Variants in TMEM117 observed in about 807,000 individuals in gnomAD.
TMEM117 encodes transmembrane protein 117.
Under a neutral mutation model 52.4 loss-of-function variants are expected in TMEM117, and 27 were observed. That is an observed-to-expected ratio of 0.51 (90% CI 0.38 to 0.71). The LOEUF (loss-of-function observed/expected upper bound fraction) is 0.71, where lower values mean the gene tolerates loss of function less well. TMEM117 is among the 30% of genes least tolerant of loss of function. TMEM117 has a pLI of 0.00. For missense variants in TMEM117, 556 were observed against 630.5 expected (o/e 0.88, Z 1.26); for synonymous variants, 215 against 206.3 (o/e 1.04, Z -0.36).
At chr12:44,103,699 G>A (rs1400107830) in intron 3 of TMEM117, among the ~76,000 whole-genome samples, 13 of 151,990 alleles carry the variant, frequency 8.6e-5, no homozygotes, top group Admixed American at 8.5e-4. Flanking sequence ...ACTTGCTACT[G>A]GAATCCACAC....
At chr12:44,398,080 TG>T in the TMEM117 span, among the ~76,000 whole-genome samples, 3 of 147,338 alleles carry the variant, frequency 2.0e-5, no homozygotes, top group East Asian at 1.9e-4. Context: ...TGTGGGTGGT[TG>T]TTTTTTTTTT....
At chr12:43,817,146 A>G in the TMEM117 span, among the ~76,000 whole-genome samples, 5 of 152,258 alleles carry the variant, frequency 3.3e-5, no homozygotes, top group Non-Finnish European at 7.3e-5. Context: ...AAAAATTCAT[A>G]GAGTTTTCAA....
chr12:44,201,061 G>A (rs1219952414), intron 4 of TMEM117, among the ~76,000 whole-genome samples: 1 of 152,100 alleles, frequency 6.6e-6, no homozygotes, highest in Admixed American at 6.6e-5. Flanking sequence ...GGAAAATGAT[G>A]ACCAAACATA....
At chr12:44,118,591 A>T (rs1158545923) in intron 3 of TMEM117, among the ~76,000 whole-genome samples, 2 of 152,160 alleles carry the variant, frequency 1.3e-5, no homozygotes, top group Admixed American at 1.3e-4. Context: ...AAGTAGAGAG[A>T]TTGTATGTCA....
intron 3 of TMEM117, among the ~76,000 whole-genome samples, chr12:44,099,726 A>G (rs1216869158): frequency 6.6e-6 from 1 of 152,058 alleles, no homozygotes; most frequent in Non-Finnish European, 1.5e-5. Context: ...TCAATATCAA[A>G]TGTTACCAAT....
intron 5 of TMEM117, among the ~76,000 whole-genome samples, chr12:44,218,221 C>CA (rs137994991): frequency 0.086 from 11,941 of 139,334 alleles, 1,520 homozygotes; most frequent in African/African-American, 0.29. Flanking sequence ...AAGGCTCCGT[C>CA]AAAAAAAACA....
At chr12:44,315,075 G>A (rs1001862147) in intron 6 of TMEM117, among the ~76,000 whole-genome samples, 1 of 152,100 alleles carries the variant, frequency 6.6e-6, no homozygotes, top group African/African-American at 2.4e-5. Context: ...AGAATCTTTT[G>A]TGTTTCTGTG....
chr12:43,845,894 A>G (rs1277893229), intron 2 of TMEM117, among the ~76,000 whole-genome samples: 1 of 152,232 alleles, frequency 6.6e-6, no homozygotes, highest in Non-Finnish European at 1.5e-5. Flanking sequence ...ATGGCTACAT[A>G]GTATTCCATG....
chr12:44,076,088 A>G (rs1947377849), intron 3 of TMEM117, among the ~76,000 whole-genome samples: 1 of 152,212 alleles, frequency 6.6e-6, no homozygotes. Flanking sequence ...TTTTCATAAG[A>G]GGAAAATGGC....
intron 3 of TMEM117, among the ~76,000 whole-genome samples, chr12:44,031,763 G>T (rs773280003): frequency 1.3e-5 from 2 of 152,148 alleles, no homozygotes; most frequent in Non-Finnish European, 2.9e-5. Flanking sequence ...GAAACTATTT[G>T]TGAGTATCCT....
intron 5 of TMEM117, among the ~76,000 whole-genome samples, chr12:44,288,331 AT>A (rs1437728322): frequency 6.6e-6 from 1 of 152,152 alleles, no homozygotes; most frequent in Non-Finnish European, 1.5e-5. Context: ...AATGATTGCC[AT>A]TTTTATTCCT....
intron 7 of TMEM117, among the ~76,000 whole-genome samples, chr12:44,383,582 A>G (rs939045302): frequency 2.6e-5 from 4 of 152,198 alleles, no homozygotes; most frequent in Non-Finnish European, 4.4e-5. Flanking sequence ...GAAAGAATGT[A>G]TGGATTCTTA....
chr12:44,383,388 T>C (rs1952046711), intron 7 of TMEM117, among the ~76,000 whole-genome samples: 1 of 152,158 alleles, frequency 6.6e-6, no homozygotes, highest in Non-Finnish European at 1.5e-5. Flanking sequence ...TTTAAAATGA[T>C]CTATCCTCAG....
chr12:43,993,393 T>C (rs1396652806), intron 3 of TMEM117, among the ~76,000 whole-genome samples: 3 of 152,180 alleles, frequency 2.0e-5, no homozygotes, highest in Non-Finnish European at 4.4e-5. Flanking sequence ...CATTATCACT[T>C]GTACTATATG....
At chr12:43,883,653 T>C (rs147169546) in intron 2 of TMEM117, among the ~76,000 whole-genome samples, 3 of 152,256 alleles carry the variant, frequency 2.0e-5, no homozygotes, top group Non-Finnish European at 4.4e-5. Flanking sequence ...ATTTCTAAAA[T>C]TGTGCTTTAG....
chr12:43,978,336 A>G (rs1945706188), intron 3 of TMEM117, among the ~76,000 whole-genome samples: 1 of 152,196 alleles, frequency 6.6e-6, no homozygotes, highest in Admixed American at 6.6e-5. Context: ...GAGTGGACTT[A>G]ATGAGAGCTG....
At chr12:44,370,690 G>A (rs145455905) in intron 6 of TMEM117, among the ~76,000 whole-genome samples, 2,166 of 151,856 alleles carry the variant, frequency 0.014, 23 homozygotes, top group Middle Eastern at 0.044. Flanking sequence ...GCTAATTTTT[G>A]TATTTTTAGT....
chr12:44,256,547 A>G (rs1051218014), intron 5 of TMEM117, among the ~76,000 whole-genome samples: 15 of 152,086 alleles, frequency 9.9e-5, no homozygotes, highest in African/African-American at 3.6e-4. Flanking sequence ...ATGTAGATTT[A>G]TACAATGTGG....
chr12:44,327,940 A>G (rs541280452), intron 6 of TMEM117, among the ~76,000 whole-genome samples: 2 of 152,300 alleles, frequency 1.3e-5, no homozygotes, highest in Admixed American at 1.3e-4. Flanking sequence ...GCATCCCACC[A>G]CATTACATAC....
Sources: allele counts gnomAD v4.1 joint callset (sites outside exome capture counted in the v4.1 genomes callset), GRCh38; gene constraint gnomAD v4.1.1; transcripts MANE v1.5; gene names NCBI Gene and HGNC (gene_info 2026-07-23, HGNC 2026-07-21).